Variants in LSM2 observed in about 807,000 individuals in gnomAD.
LSM2 encodes LSM2 homolog, U6 small nuclear RNA and mRNA degradation associated.
In LSM2, 12 loss-of-function variants were observed where a neutral mutation model predicts 17.0. That is an observed-to-expected ratio of 0.70 (90% CI 0.45 to 1.14). LSM2 has a LOEUF of 1.14. Ranked by LOEUF, LSM2 falls within the 50% of genes most tolerant of loss-of-function variation. The pLI is 0.00. For missense variants in LSM2, 62 were observed against 111.8 expected, an observed-to-expected ratio of 0.55 and a Z score of 2.01; for synonymous variants, 42 against 44.5, an observed-to-expected ratio of 0.94 and a Z score of 0.22.
Position 31,806,783 on chromosome 6 carries a change from C to T in LSM2, c.-26G>A, listed in dbSNP as rs1043400550. 2.5e-6 allele frequency: 4 copies of T among 1,608,238 alleles called. No individual in the cohort carries two copies. Among genetic ancestry groups the T allele is most frequent in the African/African-American group, 1.3e-5 (1 of 74,794 alleles). On this transcript the variant is annotated 5_prime_UTR_variant, in exon 1 of 5. Coordinates refer to ENST00000375661, the MANE Select transcript of LSM2 (RefSeq NM_021177.5). ...GGTGCTGGCGCCGCGGGCAGCGGGC[C>T]GGACCGGGAAGACAGCAGGGTGCTG...
intron 2 of LSM2, among the ~76,000 whole-genome samples, chr6:31,799,175 TTA>T (rs1363666216): frequency 6.6e-6 from 1 of 152,190 alleles, no homozygotes; most frequent in African/African-American, 2.4e-5. Flanking sequence ...GTTTTAAACT[TTA>T]TGAGTTTAGA....
chr6:31,798,176 G>T, intron 3 of LSM2, 127 bp from the exon 4 acceptor site: 2 of 934,414 alleles, frequency 2.1e-6, no homozygotes, highest in Non-Finnish European at 3.0e-6. Context: ...CCGCCTCCTG[G>T]GTTCAAATGA....
intron 2 of LSM2, among the ~76,000 whole-genome samples, chr6:31,802,257 G>A (rs1814756323): frequency 6.6e-6 from 1 of 150,992 alleles, no homozygotes; most frequent in Non-Finnish European, 1.5e-5. Context: ...TCCAACCTGG[G>A]TGACAGAGTG....
rs780319256 is a variant in LSM2, at chr6:31,798,086, T to A, written c.103-37A>T. ...AGATGAACACCATTATTATTATTATTTTTTTTTTTTTGAGACAAGAGTTTT... is the reference window on the plus strand; with the variant it reads ...AGATGAACACCATTATTATTATTATATTTTTTTTTTTGAGACAAGAGTTTT... On this transcript the variant is annotated intron_variant, in intron 3 of 4. Coordinates refer to ENST00000375661, the MANE Select transcript of LSM2 (RefSeq NM_021177.5). 151 of 1,132,320 alleles carry A rather than the reference T, an allele frequency of 1.3e-4. 1 individual carries two copies. The highest frequency in any genetic ancestry group is 6.1e-4 in the South Asian group (31 of 50,678). 70.1% of individuals were successfully genotyped at this position (1,132,320 alleles called of 1,614,324 possible).
Position 31,806,840 on chromosome 6 carries a change from C to G in LSM2, c.-83G>C, listed in dbSNP as rs1319531275. 3.4e-5 allele frequency: 51 copies of G among 1,504,700 alleles called. No homozygotes were observed. Among genetic ancestry groups the G allele is most frequent in the Non-Finnish European group, 4.1e-5 (46 of 1,128,972 alleles). The allele number at this position is 1,504,700 out of a possible 1,614,324, so 93.2% of individuals were successfully genotyped here. ...GGTCTGGGGAAACCGAAGCGCGAGC[C>G]CGCGCGTGGGGCGAGGCGGGACCGC... On this transcript the variant is annotated 5_prime_UTR_variant, in exon 1 of 5. Coordinates refer to ENST00000375661, the MANE Select transcript of LSM2 (RefSeq NM_021177.5).
rs142731699 is a variant in LSM2 at position 31,806,119 on chromosome 6, G to A, written c.27C>T (p.Ser9=). MLFYSFFK[S]LVGKDVVVEL... ...CCACGACCACATCCTTGCCCACAAG[G>A]GACTTGAAAAAAGAATAGAAGAGCT... Residue 9 remains serine, a synonymous_variant, in exon 2 of 5, where the codon TCC becomes TCT. Transcript: ENST00000375661. 2.6e-5 allele frequency: 42 copies of A among 1,612,802 alleles called. No homozygotes were observed. In the East Asian group the frequency reaches 8.9e-4, roughly 34 times the overall value.
At chr6:31,801,915 C>A (rs1814732534) in intron 2 of LSM2, among the ~76,000 whole-genome samples, 1 of 152,124 alleles carries the variant, frequency 6.6e-6, no homozygotes, top group Non-Finnish European at 1.5e-5. Context: ...GTGGGAGGAT[C>A]ACTTGAGTCC....
Position 31,798,733 on chromosome 6 carries a change from C to CTTTTT in LSM2, c.72-231_72-227dup, listed in dbSNP as rs9281580. Reference sequence around the variant, plus strand: ...TCTCCTCTCCCTAAACCAATCCATTCTTTTTTTTTTTTTTTTTTTTTTTGA... The same window carrying CTTTTT: ...TCTCCTCTCCCTAAACCAATCCATTCTTTTTTTTTTTTTTTTTTTTTTTTTTTTGA... On this transcript the variant is annotated intron_variant, in intron 2 of 4. Coordinates refer to ENST00000375661, the MANE Select transcript of LSM2 (RefSeq NM_021177.5). Among the ~76,000 whole-genome samples the CTTTTT allele has an allele frequency of 4.6e-3, 413 of 89,842 alleles. 5 individuals carry two copies. Among genetic ancestry groups the CTTTTT allele is most frequent in the Non-Finnish European group, 6.0e-3 (285 of 47,408 alleles). The allele number at this position is 89,842 out of a possible 152,430, so 58.9% of individuals were successfully genotyped here. A position where few individuals can be genotyped will look rare whatever the true frequency, so the allele number is the denominator to read the frequency against.
chr6:31,801,790 T>C (rs1047342201), intron 2 of LSM2, among the ~76,000 whole-genome samples: 4 of 151,140 alleles, frequency 2.6e-5, no homozygotes, highest in African/African-American at 7.3e-5. Context: ...AGTGAGACCC[T>C]GTCTCAAGGA....
At chr6:31,805,106 C>G (rs1012471152) in intron 2 of LSM2, among the ~76,000 whole-genome samples, 1 of 151,616 alleles carries the variant, frequency 6.6e-6, no homozygotes, top group South Asian at 2.1e-4. Flanking sequence ...CCTCTGTCAA[C>G]CAGGCTGGAG....
chr6:31,803,466 A>G (rs1184763571), intron 2 of LSM2, among the ~76,000 whole-genome samples: 1 of 152,194 alleles, frequency 6.6e-6, no homozygotes, highest in East Asian at 1.9e-4. Context: ...CCTGGACAAC[A>G]GAGTGAGACC....
chr6:31,797,876 C>G lies in LSM2; in HGVS notation c.169G>C (p.Val57Leu). The stretch of plus-strand genomic sequence containing the variant: ...GAGCCCCGAATGAAGCAGTTCTTCA[C>G]TGATAACTAGACAAAGATGGACAAA... ...DPEKYPHMLS[V>L]KNCFIRGSVV... The change falls in exon 5 of 5, where the codon GTG (valine) becomes CTG (leucine). Residue 57 changes from valine to leucine, a missense_variant. Coordinates refer to ENST00000375661, the MANE Select transcript of LSM2 (RefSeq NM_021177.5). 1 of 1,612,990 alleles carries G rather than the reference C, an allele frequency of 6.2e-7. No homozygotes were observed. Among genetic ancestry groups the G allele is most frequent in the South Asian group, 1.1e-5 (1 of 91,084 alleles).
chr6:31,801,194 A>G (rs12212242), intron 2 of LSM2, among the ~76,000 whole-genome samples: 10,720 of 145,568 alleles, frequency 0.074, 577 homozygotes, highest in African/African-American at 0.13. Flanking sequence ...AAAAAAAAAG[A>G]CCCACTTAAA....
At chr6:31,800,451 T>A (rs1042825617) in intron 2 of LSM2, among the ~76,000 whole-genome samples, 11 of 152,172 alleles carry the variant, frequency 7.2e-5, no homozygotes, top group Non-Finnish European at 1.6e-4. Flanking sequence ...ATTCTGAAAG[T>A]CTTTAAAACC....
intron 2 of LSM2, among the ~76,000 whole-genome samples, chr6:31,803,667 G>A (rs1037186741): frequency 4.0e-5 from 6 of 151,108 alleles, no homozygotes; most frequent in South Asian, 2.1e-4. Context: ...TACAACGTCC[G>A]CCTCCCGGGT....
intron 2 of LSM2, among the ~76,000 whole-genome samples, chr6:31,804,754 CT>C (rs1443028818): frequency 1.3e-3 from 161 of 126,358 alleles, no homozygotes; most frequent in Middle Eastern, 4.4e-3. Flanking sequence ...ATGGCCTGTT[CT>C]TTTTTTTCTT....
At chr6:31,805,605 C>T (rs1244117343) in intron 2 of LSM2, among the ~76,000 whole-genome samples, 1 of 152,110 alleles carries the variant, frequency 6.6e-6, no homozygotes, top group Non-Finnish European at 1.5e-5. Context: ...CCTCGTGATT[C>T]GCCCACCTTG....
chr6:31,806,950 G>T lies in LSM2; in HGVS notation c.-193C>A. 1.5e-6 allele frequency: 1 copy of T among 672,690 alleles called. No individual in the cohort carries two copies. Among genetic ancestry groups the T allele is most frequent in the Non-Finnish European group, 2.4e-6 (1 of 408,320 alleles). The allele number at this position is 672,690 out of a possible 1,614,324, so 41.7% of individuals were successfully genotyped here. A position where few individuals can be genotyped will look rare whatever the true frequency, so the allele number is the denominator to read the frequency against. ...ACTTGCGGCTGGGGAGCGCAAGCTG[G>T]GTAGAGTAGAGGGGAGGAGGAAGCC... is the stretch of plus-strand genomic sequence containing the variant. On this transcript the variant is annotated 5_prime_UTR_variant, in exon 1 of 5. Coordinates refer to ENST00000375661, the MANE Select transcript of LSM2 (RefSeq NM_021177.5).
At chr6:31,806,663 C>T in intron 1 of LSM2, 92 bp downstream of exon 1, 1 of 1,516,634 alleles carries the variant, frequency 6.6e-7, no homozygotes, top group Admixed American at 1.9e-5. Flanking sequence ...AACTCCGGAC[C>T]TAACTCCAGC....
Sources: gnomAD v4.1 joint callset for allele counts (sites outside exome capture counted in the v4.1 genomes callset) on GRCh38, gnomAD v4.1.1 for gene constraint, MANE v1.5 for transcripts, NCBI Gene and HGNC (gene_info 2026-07-23, HGNC 2026-07-21) for gene names.